Variants in RBPJL observed in about 807,000 individuals in gnomAD.
RBPJL encodes the protein recombining binding protein suppressor of hairless-like protein.
A neutral mutation model predicts 57.6 loss-of-function variants in RBPJL; 50 were observed. That is an observed-to-expected ratio of 0.87 (90% CI 0.69 to 1.10). The LOEUF (loss-of-function observed/expected upper bound fraction) is 1.10, where lower values mean the gene tolerates loss of function less well. Ranked by LOEUF, RBPJL falls within the 50% of genes least tolerant of loss-of-function variation. The probability of loss-of-function intolerance (pLI) is 0.00; values close to 1 mark genes in which losing one functional copy is unlikely to be tolerated. For missense variants in RBPJL, 684 were observed against 693.7 expected, an observed-to-expected ratio of 0.99 and a Z score of 0.16; for synonymous variants, 303 against 294.4, an observed-to-expected ratio of 1.03 and a Z score of -0.30.
intron 5 of RBPJL, 92 bp from the exon 6 acceptor site, chr20:45,312,129 C>T: frequency 1.3e-6 from 2 of 1,580,268 alleles, no homozygotes; most frequent in African/African-American, 1.3e-5. Flanking sequence ...TGGTCACCTC[C>T]GACGGGGCGG....
intron 9 of RBPJL, among the ~76,000 whole-genome samples, chr20:45,314,988 C>G (rs1987382052): frequency 6.6e-6 from 1 of 152,138 alleles, no homozygotes; most frequent in African/African-American, 2.4e-5. Context: ...GAGGCTGAGG[C>G]AGGAGAATTG....
chr20:45,315,463 C>T (rs989174912), intron 9 of RBPJL, among the ~76,000 whole-genome samples: 8 of 151,800 alleles, frequency 5.3e-5, no homozygotes, highest in African/African-American at 1.7e-4. Context: ...TATCCCAGGC[C>T]GGGCCAATGG....
chr20:45,314,271 T>C, intron 8 of RBPJL, 127 bp downstream of exon 8: 1 of 1,246,890 alleles, frequency 8.0e-7, no homozygotes, highest in South Asian at 1.3e-5. Flanking sequence ...CAGTGTCGCG[T>C]AGGACCAGAC....
rs188676335 is a variant in RBPJL, at chr20:45,312,706, T to C, written c.619+311T>C. 3.4e-4 allele frequency among the ~76,000 whole-genome samples: 51 copies of C among 151,256 alleles called. No individual in the cohort carries two copies. The East Asian group carries it at 7.0e-3, about 21-fold the overall frequency. The stretch of plus-strand genomic sequence containing the variant: ...AACTAGGGACAGACTAAAAGTGACA[T>C]AGGTGGGGCACGGTGGCTCATGCCT... On this transcript the variant is annotated intron_variant, in intron 6 of 11. Transcript: ENST00000343694.
Position 45,309,584 on chromosome 20 carries a change from C to G in RBPJL, c.149C>G (p.Thr50Ser), listed in dbSNP as rs973378376. The G allele has an allele frequency of 6.2e-7, 1 of 1,612,430 alleles. No homozygotes were observed. The highest frequency in any genetic ancestry group is 1.3e-5 in the African/African-American group (1 of 74,986). Residue 50 changes from threonine (T) to serine (S), a missense_variant, in exon 3 of 12, where the codon ACC becomes AGC. Thr to Ser is a moderately conservative substitution (Grantham distance 58). Coordinates refer to ENST00000343694, the MANE Select transcript of RBPJL (RefSeq NM_014276.4). Reference sequence around the variant, plus strand: ...ACTCCCAGGTCATCCCCAGAGCACACCACCATTCTGAGGGGAGGCGTGCGC... The same window carrying G: ...ACTCCCAGGTCATCCCCAGAGCACAGCACCATTCTGAGGGGAGGCGTGCGC... Reference protein sequence around the residue: ...GTWTRSSPEHTTILRGGVRRC... With the variant: ...GTWTRSSPEHSTILRGGVRRC...
intron 9 of RBPJL, 48 bp from the exon 10 acceptor site, chr20:45,316,139 T>G (rs748316609): frequency 1.3e-6 from 2 of 1,589,896 alleles, no homozygotes; most frequent in Non-Finnish European, 1.7e-6. Flanking sequence ...CCTACACTGG[T>G]GGCCACCATG....
Position 45,317,095 on chromosome 20 carries a change from C to A in RBPJL, c.*136C>A. 8.9e-7 allele frequency: 1 copy of A among 1,121,382 alleles called. No individual in the cohort carries two copies. Among genetic ancestry groups the A allele is most frequent in the Non-Finnish European group, 1.3e-6 (1 of 795,420 alleles). The allele number at this position is 1,121,382 out of a possible 1,614,324, so 69.5% of individuals were successfully genotyped here. A position where few individuals can be genotyped will look rare whatever the true frequency, so the allele number is the denominator to read the frequency against. On this transcript the variant is annotated 3_prime_UTR_variant, in exon 12 of 12. Coordinates refer to ENST00000343694, the MANE Select transcript of RBPJL (RefSeq NM_014276.4). ...GCAGCTGAAGGCTCACCCTAGAAAC[C>A]GGGCCTGGTGGGTCTTACCCGGCTC...
At chr20:45,307,564 C>A (rs1696311645) in intron 1 of RBPJL, among the ~76,000 whole-genome samples, 1 of 152,214 alleles carries the variant, frequency 6.6e-6, no homozygotes, top group African/African-American at 2.4e-5. Flanking sequence ...CCCATACTTT[C>A]CTACCCGGAG....
rs765219280 is a variant in RBPJL, at chr20:45,314,462, C to T, written c.917C>T (p.Pro306Leu). Residue 306 changes from proline (P) to leucine (L), a missense_variant, in exon 9 of 12, where the codon CCC becomes CTC. By Grantham distance (98) the Pro-to-Leu change is moderately conservative. Transcript: ENST00000343694. ...TGTGCGCTCCTTGATGTGGATGAGC[C>T]CATCTCCCAGCTGCACAAGTGTGCA... ...KQCALLDVDE[P>L]ISQLHKCAFQ... 1.2e-6 allele frequency: 2 copies of T among 1,614,184 alleles called. No homozygotes were observed. The highest frequency in any genetic ancestry group is 4.5e-5 in the East Asian group (2 of 44,886).
At position 45,317,174 on chromosome 20, in the gene RBPJL, C is replaced by A; in HGVS notation, c.*215C>A. 1.7e-6 allele frequency: 1 copy of A among 596,378 alleles called. No individual in the cohort carries two copies. Among genetic ancestry groups the A allele is most frequent in the Non-Finnish European group, 3.0e-6 (1 of 338,978 alleles). 36.9% of individuals were successfully genotyped at this position (596,378 alleles called of 1,614,324 possible). A position where few individuals can be genotyped will look rare whatever the true frequency, so the allele number is the denominator to read the frequency against. ...GAAGACAAGACCTGAGTGGTGCTGTCTTTGTGTCCGTCGTGTATGGCTCTC... is the reference window on the plus strand; with the variant it reads ...GAAGACAAGACCTGAGTGGTGCTGTATTTGTGTCCGTCGTGTATGGCTCTC... On this transcript the variant is annotated 3_prime_UTR_variant, in exon 12 of 12. Coordinates refer to ENST00000343694, the MANE Select transcript of RBPJL (RefSeq NM_014276.4).
At chr20:45,309,256 A>G (rs1169651501) in intron 2 of RBPJL, among the ~76,000 whole-genome samples, 1 of 152,040 alleles carries the variant, frequency 6.6e-6, no homozygotes, top group Non-Finnish European at 1.5e-5. Context: ...ACGTGTCCCT[A>G]TGGCCCTGGG....
At chr20:45,312,138 G>A in intron 5 of RBPJL, 83 bp from the exon 6 acceptor site, 2 of 1,594,262 alleles carry the variant, frequency 1.3e-6, no homozygotes, top group East Asian at 2.2e-5. Flanking sequence ...CCGACGGGGC[G>A]GACGTCCGAT....
At chr20:45,312,062 C>T in intron 5 of RBPJL, 108 bp downstream of exon 5, 1 of 1,424,140 alleles carries the variant, frequency 7.0e-7, no homozygotes, top group Non-Finnish European at 9.8e-7. Flanking sequence ...GTGGGGAGAC[C>T]GGGAGGCCGG....
chr20:45,308,538 G>A (rs886109021), intron 2 of RBPJL: 16 of 450,730 alleles, frequency 3.5e-5, no homozygotes, highest in East Asian at 3.5e-4. Flanking sequence ...CTCCACAGCC[G>A]GAATTCATTG....
chr20:45,306,997 G>GCCCCCCCCCCCCCCC, intron 1 of RBPJL, 53 bp downstream of exon 1: 1 of 1,127,920 alleles, frequency 8.9e-7, no homozygotes, highest in Admixed American at 4.4e-5. Flanking sequence ...AACTACGAAG[G>GCCCCCCCCCCCCCCC]ACCACCCCCC....
At chr20:45,311,546 G>A (rs963897438) in intron 3 of RBPJL, 43 bp from the exon 4 acceptor site, 1 of 1,596,772 alleles carries the variant, frequency 6.3e-7, no homozygotes, top group Admixed American at 1.7e-5. Context: ...GGAGAGCCAA[G>A]TGGAGATGGA....
chr20:45,312,243 T>A lies in RBPJL; in HGVS notation c.467T>A (p.Leu156Gln). The A allele has an allele frequency of 1.2e-6, 2 of 1,614,242 alleles. No individual in the cohort carries two copies. Among genetic ancestry groups the A allele is most frequent in the South Asian group, 1.1e-5 (1 of 91,088 alleles). ...DSREFGCAKT[L>Q]YISDADKRKH... ...TAGGAATTCGGCTGCGCCAAGACCC[T>A]GTACATCTCAGATGCAGACAAGAGG... Residue 156 changes from leucine (L) to glutamine (Q), a missense_variant, in exon 6 of 12, where the codon CTG becomes CAG. Leu to Gln is a moderately radical substitution (Grantham distance 113). Transcript: ENST00000343694.
At chr20:45,308,421 C>T (rs769084352) in intron 2 of RBPJL, 170 bp downstream of exon 2, 29 of 593,696 alleles carry the variant, frequency 4.9e-5, no homozygotes, top group Non-Finnish European at 7.9e-5. Flanking sequence ...GGGGGGCAAA[C>T]CCAGCACCCC....
chr20:45,309,428 A>C, intron 2 of RBPJL, 139 bp from the exon 3 acceptor site: 1 of 813,586 alleles, frequency 1.2e-6, no homozygotes, highest in Non-Finnish European at 1.8e-6. Context: ...CCACAGGGGC[A>C]GGATATAGAG....
Sources: gnomAD v4.1 joint callset for allele counts (sites outside exome capture counted in the v4.1 genomes callset) on GRCh38, gnomAD v4.1.1 for gene constraint, MANE v1.5 for transcripts, NCBI Gene and HGNC (gene_info 2026-07-23, HGNC 2026-07-21) for gene names.